Variants in DDX4 observed in about 807,000 individuals in gnomAD.
The protein encoded by DDX4 is probable ATP-dependent RNA helicase DDX4.
DDX4 carries 25 observed loss-of-function variants against 100.0 expected under a neutral mutation model. The ratio of observed to expected loss-of-function variants is 0.25; its 90% confidence interval spans 0.18 to 0.35. The LOEUF (loss-of-function observed/expected upper bound fraction) is 0.35. Among genes scored for constraint, DDX4 ranks in the 10% least tolerant of loss-of-function variants. DDX4 has a pLI of 1.00. For missense variants in DDX4, 635 were observed against 882.4 expected, an observed-to-expected ratio of 0.72 and a Z score of 3.55; for synonymous variants, 259 against 275.7, an observed-to-expected ratio of 0.94 and a Z score of 0.60.
At chr5:55,778,826 A>G (rs1039465805) in intron 7 of DDX4, among the ~76,000 whole-genome samples, 1 of 151,964 alleles carries the variant, frequency 6.6e-6, no homozygotes, top group African/African-American at 2.4e-5. Flanking sequence ...CTCTGGAGGC[A>G]GAGGTTGCAG....
chr5:55,757,314 C>T lies in DDX4; in HGVS notation c.128-2886C>T, dbSNP rs141763927. ...AAAGTCCATTGTATCATTCTTATGC[C>T]TTTGCATCCTCATAGCTTAGCTCCT... On this transcript the variant is annotated intron_variant, in intron 3 of 21. Transcript: ENST00000505374. 9.6e-4 allele frequency among the ~76,000 whole-genome samples: 146 copies of T among 152,272 alleles called. No homozygotes were observed. In the East Asian group the frequency reaches 0.011, roughly 11 times the overall value.
rs545656575 is a variant in DDX4, at chr5:55,801,533, T to C, written c.1615+2962T>C. On this transcript the variant is annotated intron_variant, in intron 18 of 21. Transcript: ENST00000505374. ...AATATAGAAGGCACAAAGAGTGTGC[T>C]AGACAGTAATCTTTTTTGCTTACTT... 9.2e-5 allele frequency among the ~76,000 whole-genome samples: 14 copies of C among 152,330 alleles called. No homozygotes were observed. The South Asian group carries it at 2.9e-3, about 32-fold the overall frequency.
chr5:55,816,154 A>G (rs994697138), intron 21 of DDX4, among the ~76,000 whole-genome samples: 14 of 152,136 alleles, frequency 9.2e-5, no homozygotes, highest in Non-Finnish European at 1.6e-4. Context: ...TTCAGAAACA[A>G]TGAGCATGTT....
At chr5:55,740,992 T>C (rs185550739) in intron 2 of DDX4, among the ~76,000 whole-genome samples, 29 of 152,368 alleles carry the variant, frequency 1.9e-4, no homozygotes, top group African/African-American at 5.8e-4. Context: ...AATTACTTGT[T>C]CAGAGGACAT....
At chr5:55,792,854 C>T (rs933503862) in intron 17 of DDX4, 47 bp downstream of exon 17, 3 of 1,102,754 alleles carry the variant, frequency 2.7e-6, no homozygotes, top group Non-Finnish European at 2.3e-6. Context: ...TATATACATA[C>T]TTTTATCAAA....
intron 3 of DDX4, among the ~76,000 whole-genome samples, chr5:55,755,066 C>T (rs143224678): frequency 3.9e-5 from 6 of 152,044 alleles, no homozygotes; most frequent in Non-Finnish European, 7.4e-5. Context: ...TTATTTCTGT[C>T]CCTATAACAA....
At chr5:55,754,500 G>C (rs1310677982) in intron 3 of DDX4, among the ~76,000 whole-genome samples, 163 of 148,178 alleles carry the variant, frequency 1.1e-3, no homozygotes, top group African/African-American at 3.8e-3. Context: ...TATTGAACCA[G>C]CTTTGCATCC....
intron 6 of DDX4, among the ~76,000 whole-genome samples, chr5:55,764,388 A>T (rs1740760832): frequency 6.6e-6 from 1 of 152,216 alleles, no homozygotes; most frequent in Non-Finnish European, 1.5e-5. Flanking sequence ...ACAGTTTGTG[A>T]TGTATAGGGT....
chr5:55,816,557 A>G lies in DDX4; in HGVS notation c.*17A>G. 1 of 1,606,008 alleles carries G rather than the reference A, an allele frequency of 6.2e-7. No individual in the cohort carries two copies. The highest frequency in any genetic ancestry group is 8.5e-7 in the Non-Finnish European group (1 of 1,177,276). On this transcript the variant is annotated 3_prime_UTR_variant, in exon 22 of 22. Transcript: ENST00000505374. ...TGGGATTAAAGCCAAAACATCCTTC[A>G]AGTCTGTGGTTTTGATGCAGAGAAG...
intron 3 of DDX4, among the ~76,000 whole-genome samples, chr5:55,754,093 A>G (rs1054450124): frequency 6.8e-6 from 1 of 147,332 alleles, no homozygotes; most frequent in Admixed American, 6.8e-5. Context: ...GGGGTTTTCT[A>G]GATATACAAT....
Position 55,760,228 on chromosome 5 carries a change from T to C in DDX4, c.156T>C (p.Asp52=). ...SEMDDGPSRR[D]HFMKSGFASG... is the part of the protein sequence containing the mutation. The stretch of plus-strand genomic sequence containing the variant: ...TGGATGATGGACCTTCTCGAAGAGA[T>C]CATTTCATGAAAAGTGGATTTGCCT... Residue 52 remains aspartate (D), a synonymous_variant, in exon 4 of 22, where the codon GAT becomes GAC. Transcript: ENST00000505374. The C allele has an allele frequency of 6.4e-7, 1 of 1,566,730 alleles. No individual in the cohort carries two copies. The highest frequency in any genetic ancestry group is 8.6e-7 in the Non-Finnish European group (1 of 1,162,956).
At chr5:55,797,980 A>C (rs568256016) in intron 17 of DDX4, among the ~76,000 whole-genome samples, 93 of 152,366 alleles carry the variant, frequency 6.1e-4, no homozygotes, top group African/African-American at 2.1e-3. Flanking sequence ...AGAGTAATTT[A>C]ATAGGTAATA....
intron 18 of DDX4, among the ~76,000 whole-genome samples, chr5:55,799,298 C>G (rs1167007440): frequency 6.6e-6 from 1 of 152,062 alleles, no homozygotes; most frequent in African/African-American, 2.4e-5. Flanking sequence ...AACTGTTGGC[C>G]TCAATCCTCC....
chr5:55,765,837 C>CA lies in DDX4; in HGVS notation c.334+1774dup, dbSNP rs1740884850. 2.0e-5 allele frequency among the ~76,000 whole-genome samples: 3 copies of CA among 152,204 alleles called. No homozygotes were observed. In the East Asian group the frequency reaches 5.8e-4, roughly 29 times the overall value. On this transcript the variant is annotated intron_variant, in intron 6 of 21. Transcript: ENST00000505374. The stretch of plus-strand genomic sequence containing the variant: ...TATTATTTTTCGAGACGGAGTCTCG[C>CA]ACTGTCACCTGGCCTGGAGTGCAGT...
Position 55,815,175 on chromosome 5 carries a change from A to T in DDX4, c.1986+4A>T, listed in dbSNP as rs762110773. Reference sequence around the variant, plus strand: ...TCTAGTAAAAGTATTGACAGATGTAAGTTAAACTTTTATGATGGAATGGAT... The same window carrying T: ...TCTAGTAAAAGTATTGACAGATGTATGTTAAACTTTTATGATGGAATGGAT... On this transcript the variant is annotated splice_donor_region_variant and intron_variant, in intron 20 of 21. Transcript: ENST00000505374. The T allele has an allele frequency of 1.2e-6, 2 of 1,612,202 alleles. No homozygotes were observed. The highest frequency in any genetic ancestry group is 8.5e-7 in the Non-Finnish European group (1 of 1,179,028).
intron 18 of DDX4, among the ~76,000 whole-genome samples, chr5:55,802,982 G>A (rs183368798): frequency 1.3e-5 from 2 of 151,028 alleles, no homozygotes; most frequent in East Asian, 1.9e-4. Flanking sequence ...CTTTTTTAGG[G>A]TACATGTGCA....
At chr5:55,747,171 A>G (rs1759288978) in intron 3 of DDX4, among the ~76,000 whole-genome samples, 1 of 152,148 alleles carries the variant, frequency 6.6e-6, no homozygotes, top group African/African-American at 2.4e-5. Context: ...TCACAAGGTC[A>G]AGAGATTGAG....
intron 6 of DDX4, among the ~76,000 whole-genome samples, chr5:55,764,996 T>C (rs907584688): frequency 5.3e-5 from 8 of 152,310 alleles, no homozygotes; most frequent in Admixed American, 2.6e-4. Flanking sequence ...TAAAACACTT[T>C]TGGTATAAGG....
intron 3 of DDX4, among the ~76,000 whole-genome samples, chr5:55,758,763 C>T (rs760103986): frequency 1.6e-4 from 24 of 151,322 alleles, no homozygotes; most frequent in Non-Finnish European, 2.9e-4. Flanking sequence ...TCCCTTCACC[C>T]CCATTATTAG....
Sources: allele counts gnomAD v4.1 joint callset (sites outside exome capture counted in the v4.1 genomes callset), GRCh38; gene constraint gnomAD v4.1.1; transcripts MANE v1.5; gene names NCBI Gene and HGNC (gene_info 2026-07-23, HGNC 2026-07-21).